Variants in PCDHA8 observed in about 807,000 individuals in gnomAD.
PCDHA8 encodes protocadherin alpha-8.
In PCDHA8, 53 loss-of-function variants were observed where a neutral mutation model predicts 61.8. That is an observed-to-expected ratio of 0.86 (90% confidence interval 0.69 to 1.08). The LOEUF is 1.08. PCDHA8 is among the 50% of genes least tolerant of loss of function. PCDHA8 has a pLI of 0.00. For missense variants in PCDHA8, 1,293 were observed against 1,245.0 expected (o/e 1.04, Z -0.58); for synonymous variants, 618 against 556.6 (o/e 1.11, Z -1.55).
chr5:140,873,432 T>A (rs992972839), intron 1 of PCDHA8, among the ~76,000 whole-genome samples: 5 of 152,212 alleles, frequency 3.3e-5, no homozygotes, highest in African/African-American at 7.2e-5. Flanking sequence ...TTATTTTATA[T>A]CACATAAATA....
chr5:140,971,568 G>C (rs2096486593), intron 1 of PCDHA8, among the ~76,000 whole-genome samples: 1 of 152,074 alleles, frequency 6.6e-6, no homozygotes, highest in African/African-American at 2.4e-5. Flanking sequence ...CCCATGTTGG[G>C]CTTTCTTTTT....
chr5:140,949,636 T>A (rs1047386786), intron 1 of PCDHA8, among the ~76,000 whole-genome samples: 1 of 151,898 alleles, frequency 6.6e-6, no homozygotes, highest in Admixed American at 6.6e-5. Context: ...GGCATATTGC[T>A]TTTTGTTCAT....
At chr5:140,924,898 AAAAAAAAT>A (rs781900915) in intron 1 of PCDHA8, among the ~76,000 whole-genome samples, 16 of 53,028 alleles carry the variant, frequency 3.0e-4, no homozygotes, top group Non-Finnish European at 6.0e-4. Context: ...CTGTCTCAAA[AAAAAAAAT>A]AAAATAAAAT....
chr5:140,872,356 G>C (rs2053615726), intron 1 of PCDHA8, among the ~76,000 whole-genome samples: 1 of 152,160 alleles, frequency 6.6e-6, no homozygotes, highest in African/African-American at 2.4e-5. Flanking sequence ...GCCAGGCAAA[G>C]TGGTTCAGGC....
intron 1 of PCDHA8, chr5:140,870,336 C>T (rs782392888): frequency 2.3e-5 from 37 of 1,614,034 alleles, no homozygotes; most frequent in Non-Finnish European, 2.9e-5. Flanking sequence ...TGGACAGCGC[C>T]CTGGACCGCG....
At chr5:140,967,442 G>T in intron 1 of PCDHA8, 1 of 1,613,600 alleles carries the variant, frequency 6.2e-7, no homozygotes, top group Non-Finnish European at 8.5e-7. Context: ...GCACCACCTG[G>T]TTCTCACAGC....
At chr5:140,956,403 A>C (rs1475566345) in intron 1 of PCDHA8, among the ~76,000 whole-genome samples, 1 of 152,178 alleles carries the variant, frequency 6.6e-6, no homozygotes, top group African/African-American at 2.4e-5. Context: ...ATCCATTGAG[A>C]TAATCATGTG....
intron 1 of PCDHA8, chr5:140,854,437 A>G (rs551404343): frequency 6.6e-6 from 1 of 150,916 alleles, no homozygotes; most frequent in African/African-American, 2.4e-5. Context: ...AATTTGAATG[A>G]ATTTTGATGC....
At chr5:140,969,139 C>T (rs1407003944) in intron 1 of PCDHA8, 5 of 1,614,064 alleles carry the variant, frequency 3.1e-6, no homozygotes, top group Non-Finnish European at 4.2e-6. Context: ...CCAAGACCTA[C>T]TGCTACAAGG....
At position 140,883,588 on chromosome 5, in the gene PCDHA8, C is replaced by A. The variant is rs781923113; in HGVS notation, c.2394+39873C>A. 5.6e-6 allele frequency: 9 copies of A among 1,613,794 alleles called. No homozygotes were observed. In the East Asian group the frequency reaches 6.7e-5, roughly 12 times the overall value. ...CGCCTTCGCTGTGGGCCACGGCCAG[C>A]GTGTCGGTGGGGGTGGCCGACGTGA... is the stretch of plus-strand genomic sequence containing the variant. On this transcript the variant is annotated intron_variant, in intron 1 of 3. Coordinates refer to ENST00000531613, the MANE Select transcript of PCDHA8 (RefSeq NM_018911.3).
chr5:140,986,792 A>C (rs575794573), intron 3 of PCDHA8, among the ~76,000 whole-genome samples: 1 of 152,220 alleles, frequency 6.6e-6, no homozygotes, highest in Non-Finnish European at 1.5e-5. Context: ...CCACTAAGGC[A>C]GTGAGTCTTA....
intron 1 of PCDHA8, chr5:140,865,276 A>C (rs1259929585): frequency 6.6e-6 from 1 of 152,182 alleles, no homozygotes; most frequent in African/African-American, 2.4e-5. Flanking sequence ...TTATATGTAA[A>C]ATTACTTTGC....
chr5:140,875,260 C>T (rs2153321792), intron 1 of PCDHA8: 1 of 1,109,124 alleles, frequency 9.0e-7, no homozygotes, highest in Non-Finnish European at 1.2e-6. Context: ...CACATGATGT[C>T]GCTCTACACT....
rs2150499938 is a variant in PCDHA8 at position 140,850,836 on chromosome 5, G to A, written c.2394+7121G>A. ...CAGCCCGGGCCTTTCTCCTTGTGCT[G>A]GATCTACAGAGCGAACGGGAGAACC... is the stretch of plus-strand genomic sequence containing the variant. On this transcript the variant is annotated intron_variant, in intron 1 of 3. Coordinates refer to ENST00000531613, the MANE Select transcript of PCDHA8 (RefSeq NM_018911.3). The A allele has an allele frequency of 1.2e-5, 19 of 1,597,640 alleles. 1 individual carries two copies. Among genetic ancestry groups the A allele is most frequent in the South Asian group, 3.3e-5 (3 of 90,540 alleles).
chr5:140,939,811 A>G (rs1554212933), intron 1 of PCDHA8, among the ~76,000 whole-genome samples: 1 of 152,224 alleles, frequency 6.6e-6, no homozygotes, highest in African/African-American at 2.4e-5. Context: ...CATGTTCAAG[A>G]AAAAGCAGTA....
chr5:140,898,462 CTTGT>C (rs2066755516), intron 1 of PCDHA8, among the ~76,000 whole-genome samples: 1 of 150,202 alleles, frequency 6.7e-6, no homozygotes, highest in South Asian at 2.1e-4. Flanking sequence ...TTCCCCATTG[CTTGT>C]TTTTCTCAGG....
intron 1 of PCDHA8, chr5:140,966,382 G>C (rs1188243032): frequency 5.0e-6 from 2 of 403,766 alleles, no homozygotes; most frequent in Non-Finnish European, 4.3e-6. Flanking sequence ...GTCCGGGTTC[G>C]CTGTCCGCCA....
intron 1 of PCDHA8, among the ~76,000 whole-genome samples, chr5:140,948,364 G>C (rs1554218529): frequency 6.6e-6 from 1 of 151,472 alleles, no homozygotes; most frequent in African/African-American, 2.4e-5. Flanking sequence ...AAATGACTTA[G>C]GAGGTGTTCC....
At chr5:140,884,169 C>CG (rs2153400955) in intron 1 of PCDHA8, 1 of 1,613,426 alleles carries the variant, frequency 6.2e-7, no homozygotes, top group East Asian at 2.2e-5. Context: ...ATCAGCACGA[C>CG]GCGCCCTCTG....
Sources: gnomAD v4.1 joint callset for allele counts (sites outside exome capture counted in the v4.1 genomes callset) on GRCh38, gnomAD v4.1.1 for gene constraint, MANE v1.5 for transcripts, NCBI Gene and HGNC (gene_info 2026-07-23, HGNC 2026-07-21) for gene names.